The following RNASEH1 variants were observed in gnomAD, a reference collection of about 807,000 sequenced individuals.
The protein encoded by RNASEH1 is ribonuclease H type II.
RNASEH1 carries 27 observed loss-of-function variants against 34.6 expected under a neutral mutation model. The observed-to-expected ratio is 0.78, with a 90% CI of 0.58 to 1.08. The LOEUF (loss-of-function observed/expected upper bound fraction) is 1.08, where lower values mean the gene tolerates loss of function less well. RNASEH1 is among the 50% of genes least tolerant of loss of function. The pLI is 0.00. For synonymous variants in RNASEH1, 162 were observed against 138.4 expected (o/e 1.17, Z -1.20); for missense variants, 349 against 373.6 (o/e 0.93, Z 0.54).
In RNASEH1 at chr2:3,544,041, G is replaced by C. The variant is rs527482159; in HGVS notation, c.*1744C>G. 3.3e-5 allele frequency among the ~76,000 whole-genome samples: 5 copies of C among 152,232 alleles called. No homozygotes were observed. The East Asian group carries it at 9.6e-4, about 29-fold the overall frequency. On this transcript the variant is annotated 3_prime_UTR_variant, in exon 8 of 8. Coordinates refer to ENST00000315212, the MANE Select transcript of RNASEH1 (RefSeq NM_002936.6). ...AGCATTTATCCTGCCCTTCCTATAT[G>C]AACTGTACCACTGGGTAACCAGATA...
chr2:3,549,666 T>C (rs187924023), intron 4 of RNASEH1, among the ~76,000 whole-genome samples: 3 of 151,828 alleles, frequency 2.0e-5, no homozygotes, highest in East Asian at 1.9e-4. Context: ...CTGGGCAACA[T>C]AGTGAGACTT....
At chr2:3,534,224 A>C in the RNASEH1 span, 1 of 152,262 alleles carries the variant, frequency 6.6e-6, no homozygotes, top group Non-Finnish European at 1.5e-5. Context: ...GCATAACCTT[A>C]TTCTTCTGGA....
At chr2:3,557,509 C>G (rs1660630282) in intron 1 of RNASEH1, among the ~76,000 whole-genome samples, 2 of 152,152 alleles carry the variant, frequency 1.3e-5, no homozygotes, top group Admixed American at 1.3e-4. Context: ...CTGTAGCTGC[C>G]GTGCATGGGG....
downstream of RNASEH1, among the ~76,000 whole-genome samples, chr2:3,538,381 A>T (rs932436248): frequency 3.3e-5 from 5 of 151,282 alleles, no homozygotes; most frequent in Admixed American, 6.6e-5. Context: ...TATATATATA[A>T]AAGATAAAAA....
intron 1 of RNASEH1, chr2:3,557,911 T>C: frequency 6.6e-7 from 1 of 1,521,716 alleles, no homozygotes; most frequent in South Asian, 1.2e-5. Flanking sequence ...GCGACGTTTC[T>C]GATATTTCAA....
chr2:3,541,086 T>C (rs1174767269), downstream of RNASEH1, among the ~76,000 whole-genome samples: 1 of 152,088 alleles, frequency 6.6e-6, no homozygotes, highest in Non-Finnish European at 1.5e-5. Context: ...CCCAGCACTT[T>C]GGGAGGCCGA....
intron 3 of RNASEH1, 97 bp from the exon 4 acceptor site, chr2:3,550,569 G>A: frequency 1.1e-6 from 1 of 924,626 alleles, no homozygotes; most frequent in South Asian, 1.3e-5. Context: ...TTTAAACCGA[G>A]AGGGTATTTT....
chr2:3,532,642 T>G, the RNASEH1 span, among the ~76,000 whole-genome samples: 10 of 152,322 alleles, frequency 6.6e-5, no homozygotes, highest in Admixed American at 6.5e-4. Flanking sequence ...GATTTGTGTA[T>G]CTAAGCATAG....
intron 2 of RNASEH1, 50 bp downstream of exon 2, chr2:3,556,739 G>A (rs375414806): frequency 2.2e-5 from 28 of 1,254,110 alleles, no homozygotes; most frequent in Admixed American, 6.8e-5. Context: ...TCTGGCATAT[G>A]AAAGCCTTTG....
intron 3 of RNASEH1, among the ~76,000 whole-genome samples, chr2:3,551,378 C>T (rs959686666): frequency 6.6e-6 from 1 of 152,226 alleles, no homozygotes; most frequent in African/African-American, 2.4e-5. Context: ...ATGTTCCAGG[C>T]CACCAAGCCT....
chr2:3,552,673 G>C (rs1165612139), intron 2 of RNASEH1, among the ~76,000 whole-genome samples: 1 of 150,878 alleles, frequency 6.6e-6, no homozygotes, highest in African/African-American at 2.4e-5. Flanking sequence ...TCTTTCTCCA[G>C]GAAAAACATG....
In RNASEH1 at chr2:3,541,908, T is replaced by C. The variant is rs1668337757; in HGVS notation, c.*3877A>G. ...TGGCTCACACCTGTAATCCCAGCAC[T>C]TTGGGAGGCCAAGGAAGGAGGATCG... On this transcript the variant is annotated 3_prime_UTR_variant, in exon 8 of 8. Coordinates refer to ENST00000315212, the MANE Select transcript of RNASEH1 (RefSeq NM_002936.6). Among the ~76,000 whole-genome samples, 2 of 152,204 alleles carry C rather than the reference T, an allele frequency of 1.3e-5. No individual in the cohort carries two copies. The highest frequency in any genetic ancestry group is 4.1e-4 in the South Asian group (2 of 4,826).
At chr2:3,554,200 T>C (rs1660263739) in intron 2 of RNASEH1, among the ~76,000 whole-genome samples, 1 of 152,234 alleles carries the variant, frequency 6.6e-6, no homozygotes, top group South Asian at 2.1e-4. Context: ...CTGCCACATT[T>C]TGTTTTCACA....
chr2:3,550,415 G>A lies in RNASEH1; in HGVS notation c.467C>T (p.Pro156Leu), dbSNP rs200162792. 4 of 1,614,062 alleles carry A rather than the reference G, an allele frequency of 2.5e-6. No homozygotes were observed. The highest frequency in any genetic ancestry group is 1.3e-5 in the African/African-American group (1 of 75,016). ...GCCSSNGRRR[P>L]RAGIGVYWGP... is the part of the protein sequence containing the mutation. The stretch of plus-strand genomic sequence containing the variant: ...CCAGTAAACGCCGATTCCTGCTCGC[G>A]GCCTTCTACGCCCATTACTGGAGCA... The change falls in exon 4 of 8, where the codon CCG becomes CTG. Residue 156 changes from proline (P) to leucine (L), a missense_variant. Coordinates refer to ENST00000315212, the MANE Select transcript of RNASEH1 (RefSeq NM_002936.6).
rs568493602 is a variant in RNASEH1, at chr2:3,542,141, C to T, written c.*3644G>A. ...AACATACAGATAACAGGGATCCCCA[C>T]AGAAAAAAGCCAAAGCAAGAAAAAT... On this transcript the variant is annotated 3_prime_UTR_variant, in exon 8 of 8. Transcript: ENST00000315212. Among the ~76,000 whole-genome samples, 5 of 152,086 alleles carry T rather than the reference C, an allele frequency of 3.3e-5. No individual in the cohort carries two copies. Among genetic ancestry groups the T allele is most frequent in the Non-Finnish European group, 7.4e-5 (5 of 68,024 alleles).
intron 2 of RNASEH1, among the ~76,000 whole-genome samples, chr2:3,553,965 C>T (rs1660243801): frequency 6.6e-6 from 1 of 152,176 alleles, no homozygotes; most frequent in Non-Finnish European, 1.5e-5. Context: ...CAACTACCTG[C>T]AAACTAACAA....
chr2:3,546,215 G>A lies in RNASEH1; in HGVS notation c.775-344C>T, dbSNP rs541849482. 5.3e-5 allele frequency among the ~76,000 whole-genome samples: 8 copies of A among 152,086 alleles called. No individual in the cohort carries two copies. In the South Asian group the frequency reaches 1.7e-3, roughly 32 times the overall value. On this transcript the variant is annotated intron_variant, in intron 7 of 7. Transcript: ENST00000315212. Reference sequence around the variant, plus strand: ...GGATATGTATGCAACACACACACACGCTTCCCTTGCAGTGCTGTCAGAAAT... The same window carrying A: ...GGATATGTATGCAACACACACACACACTTCCCTTGCAGTGCTGTCAGAAAT...
chr2:3,558,299 C>T lies in RNASEH1; in HGVS notation c.-39G>A, dbSNP rs757583502. The T allele has an allele frequency of 6.0e-6, 9 of 1,500,190 alleles. No individual in the cohort carries two copies. Among genetic ancestry groups the T allele is most frequent in the South Asian group, 2.6e-5 (2 of 76,804 alleles). 92.9% of individuals were successfully genotyped at this position (1,500,190 alleles called of 1,614,324 possible). A position where few individuals can be genotyped will look rare whatever the true frequency, so the allele number is the denominator to read the frequency against. On this transcript the variant is annotated 5_prime_UTR_variant, in exon 1 of 8. Coordinates refer to ENST00000315212, the MANE Select transcript of RNASEH1 (RefSeq NM_002936.6). ...CACCGGGAAGCATTTCGACTCCCGG[C>T]CCAGCGTGGGCGCGAGCCGCCGGCG...
downstream of RNASEH1, among the ~76,000 whole-genome samples, chr2:3,538,695 T>C (rs966094811): frequency 1.3e-5 from 2 of 152,130 alleles, no homozygotes; most frequent in Non-Finnish European, 2.9e-5. Flanking sequence ...ATTAAAAACC[T>C]GGTCATCTTT....
Sources: gnomAD v4.1 joint callset for allele counts (sites outside exome capture counted in the v4.1 genomes callset) on GRCh38, gnomAD v4.1.1 for gene constraint, MANE v1.5 for transcripts, NCBI Gene and HGNC (gene_info 2026-07-23, HGNC 2026-07-21) for gene names.